Variants in DCAF16 observed in about 807,000 individuals in gnomAD.
DCAF16 encodes DDB1 and CUL4 associated factor 16.
Under a neutral mutation model 17.3 loss-of-function variants are expected in DCAF16, and 10 were observed. That is an observed-to-expected ratio of 0.58 (90% CI 0.36 to 0.98). The LOEUF (loss-of-function observed/expected upper bound fraction) is 0.98, where lower values mean the gene tolerates loss of function less well. Ranked by LOEUF, DCAF16 falls within the 50% of genes least tolerant of loss-of-function variation. DCAF16 has a pLI of 0.01. For synonymous variants in DCAF16, 111 were observed against 92.8 expected, an observed-to-expected ratio of 1.20 and a Z score of -1.12; for missense variants, 249 against 247.6, an observed-to-expected ratio of 1.01 and a Z score of -0.04.
intron 1 of DCAF16, among the ~76,000 whole-genome samples, chr4:17,807,706 A>G (rs1720456223): frequency 6.6e-6 from 1 of 152,264 alleles, no homozygotes; most frequent in Admixed American, 6.5e-5. Context: ...ATGTGGAAAC[A>G]CATTCCAAGT....
chr4:17,803,548 A>G lies in DCAF16; in HGVS notation c.594T>C (p.Thr198=), dbSNP rs1225966810. 6.2e-7 allele frequency: 1 copy of G among 1,614,186 alleles called. No homozygotes were observed. The highest frequency in any genetic ancestry group is 2.2e-5 in the East Asian group (1 of 44,874). The change falls in exon 3 of 3, where the codon ACT becomes ACC. Residue 198 remains threonine (T), a synonymous_variant. Transcript: ENST00000382247. ...CCTTTTGGAAGTCAGTGTAAGAATA[A>G]GTAGTGTTGATGGGTTCAGTACGAG... ...ETTRTEPINT[T]YSYTDFQKAV...
Position 17,803,437 on chromosome 4 carries a change from T to C in DCAF16, c.*54A>G, listed in dbSNP as rs1487157577. 3 of 1,529,006 alleles carry C rather than the reference T, an allele frequency of 2.0e-6. No individual in the cohort carries two copies. The highest frequency in any genetic ancestry group is 3.4e-5 in the Admixed American group (2 of 58,190). The allele number at this position is 1,529,006 out of a possible 1,614,324, so 94.7% of individuals were successfully genotyped here. A position where few individuals can be genotyped will look rare whatever the true frequency, so the allele number is the denominator to read the frequency against. On this transcript the variant is annotated 3_prime_UTR_variant, in exon 3 of 3. Coordinates refer to ENST00000382247, the MANE Select transcript of DCAF16 (RefSeq NM_017741.4). ...TAGTGGGCTGTGTAATGACTAACTT[T>C]GTACCACTTTCTCAATTAGCAACAT...
chr4:17,809,366 T>C (rs781109998), intron 1 of DCAF16: 5 of 152,198 alleles, frequency 3.3e-5, no homozygotes, highest in African/African-American at 9.7e-5. Flanking sequence ...GCAATATTGA[T>C]TGAAAAAAGC....
chr4:17,807,722 C>T (rs1030343933), intron 1 of DCAF16, among the ~76,000 whole-genome samples: 10 of 152,184 alleles, frequency 6.6e-5, no homozygotes. Context: ...CAAGTATATA[C>T]AGCAACATGG....
rs1453897851 is a variant in DCAF16, at chr4:17,804,015, C to G, written c.127G>C (p.Val43Leu). 1.2e-6 allele frequency: 2 copies of G among 1,614,042 alleles called. No individual in the cohort carries two copies. The highest frequency in any genetic ancestry group is 8.5e-7 in the Non-Finnish European group (1 of 1,180,032). ...WDSSEEEDSM[V>L]PNLSPLESLA... ...CTCTCAAGAGGCGATAAGTTGGGCACCATAGAGTCCTCTTCTTCAGAGGAA... is the reference window on the plus strand; with the variant it reads ...CTCTCAAGAGGCGATAAGTTGGGCAGCATAGAGTCCTCTTCTTCAGAGGAA... Residue 43 changes from valine (V) to leucine (L), a missense_variant, in exon 3 of 3, where the codon GTG (valine) becomes CTG (leucine). Val to Leu is a conservative substitution (Grantham distance 32). Transcript: ENST00000382247.
downstream of DCAF16, among the ~76,000 whole-genome samples, chr4:17,800,051 G>T (rs1282341743): frequency 6.6e-6 from 1 of 151,290 alleles, no homozygotes; most frequent in Non-Finnish European, 1.5e-5. Context: ...GGAGGCTGAG[G>T]CAGAATTGCT....
downstream of DCAF16, among the ~76,000 whole-genome samples, chr4:17,798,217 A>C (rs1180494568): frequency 6.6e-6 from 1 of 151,918 alleles, no homozygotes; most frequent in Non-Finnish European, 1.5e-5. Context: ...TCGTTTTATG[A>C]TTCAACTTGA....
the DCAF16 span, among the ~76,000 whole-genome samples, chr4:17,794,055 A>T: frequency 6.6e-6 from 1 of 152,210 alleles, no homozygotes. Flanking sequence ...ATTATATAGG[A>T]ATATATTATG....
At chr4:17,807,752 C>T (rs1720460111) in intron 1 of DCAF16, among the ~76,000 whole-genome samples, 1 of 152,148 alleles carries the variant, frequency 6.6e-6, no homozygotes, top group East Asian at 1.9e-4. Context: ...AAAGGCATAG[C>T]TTTAAATGAG....
Position 17,805,699 on chromosome 4 carries a change from T to C in DCAF16, c.-749-474A>G, listed in dbSNP as rs185950772. On this transcript the variant is annotated intron_variant, in intron 1 of 2. Transcript: ENST00000382247. ...GTCAGGGGCAGGACACAGTGGCTCA[T>C]GCTTGTAATCCTAGCATTTTGGGAG... Among the ~76,000 whole-genome samples, 247 of 152,354 alleles carry C rather than the reference T, an allele frequency of 1.6e-3. 5 individuals carry two copies. Among genetic ancestry groups the C allele is most frequent in the Middle Eastern group, 0.014 (4 of 294 alleles).
At chr4:17,809,722 C>G (rs1037135428) in intron 1 of DCAF16, 3 of 152,026 alleles carry the variant, frequency 2.0e-5, no homozygotes, top group Admixed American at 6.6e-5. Flanking sequence ...GAAAAAAAAC[C>G]CGTACTTAAT....
rs35039817 is a variant in DCAF16, at chr4:17,803,030, CT to C, written c.*460del. The C allele has an allele frequency of 2.6e-3, 385 of 148,258 alleles. No homozygotes were observed. The highest frequency in any genetic ancestry group is 3.9e-3 in the Admixed American group (59 of 15,188). 9.2% of individuals were successfully genotyped at this position (148,258 alleles called of 1,614,324 possible). ...AATATGGTCCCCTTAACTAATTCTC[CT>C]TTTTTTTTTTTGAGACTGAGTCTCG... On this transcript the variant is annotated 3_prime_UTR_variant, in exon 3 of 3. Transcript: ENST00000382247.
chr4:17,801,313 G>A lies in DCAF16; in HGVS notation c.*2178C>T, dbSNP rs1237909515. ...CCGGCTAATTTTTATATTTTTAGTAGAGATGGGCTTTCACCATGTTGGCCA... is the reference window on the plus strand; with the variant it reads ...CCGGCTAATTTTTATATTTTTAGTAAAGATGGGCTTTCACCATGTTGGCCA... On this transcript the variant is annotated 3_prime_UTR_variant, in exon 3 of 3. Transcript: ENST00000382247. 6.6e-6 allele frequency: 1 copy of A among 152,106 alleles called. No individual in the cohort carries two copies. Among genetic ancestry groups the A allele is most frequent in the African/African-American group, 2.4e-5 (1 of 41,366 alleles). The allele number at this position is 152,106 out of a possible 1,614,324, so 9.4% of individuals were successfully genotyped here.
At chr4:17,795,995 T>C (rs903005878), downstream of DCAF16, among the ~76,000 whole-genome samples, 4 of 152,190 alleles carry the variant, frequency 2.6e-5, no homozygotes, top group East Asian at 5.8e-4. Flanking sequence ...GCTCATAATG[T>C]TCAGAATACT....
chr4:17,806,999 G>A (rs1325239985), intron 1 of DCAF16, among the ~76,000 whole-genome samples: 2 of 151,804 alleles, frequency 1.3e-5, no homozygotes, highest in East Asian at 1.9e-4. Context: ...ATTGGAATAA[G>A]AATTAAGAAA....
chr4:17,799,788 A>C (rs1490379241), downstream of DCAF16, among the ~76,000 whole-genome samples: 1 of 152,058 alleles, frequency 6.6e-6, no homozygotes, highest in East Asian at 1.9e-4. Flanking sequence ...TTTTCTTAGG[A>C]AGCAGATGGG....
chr4:17,798,459 G>A (rs1452113329), downstream of DCAF16, among the ~76,000 whole-genome samples: 2 of 151,962 alleles, frequency 1.3e-5, no homozygotes, highest in Non-Finnish European at 2.9e-5. Context: ...GGCCTGTGTG[G>A]TGGTGTGCAC....
downstream of DCAF16, among the ~76,000 whole-genome samples, chr4:17,798,206 T>G (rs980153879): frequency 6.6e-6 from 1 of 152,154 alleles, no homozygotes; most frequent in Non-Finnish European, 1.5e-5. Flanking sequence ...TCCAGTCAAC[T>G]TCGTTTTATG....
At chr4:17,799,391 A>G (rs1037226536), downstream of DCAF16, among the ~76,000 whole-genome samples, 1 of 152,226 alleles carries the variant, frequency 6.6e-6, no homozygotes, top group African/African-American at 2.4e-5. Context: ...TTTTAAAACT[A>G]ATTTCCTATG....
Sources: gnomAD v4.1 joint callset for allele counts (sites outside exome capture counted in the v4.1 genomes callset) on GRCh38, gnomAD v4.1.1 for gene constraint, MANE v1.5 for transcripts, NCBI Gene and HGNC (gene_info 2026-07-23, HGNC 2026-07-21) for gene names.